NUP133: variants seen among roughly 807,000 people sequenced by gnomAD.
NUP133 encodes the protein nucleoporin 133.
A neutral mutation model predicts 146.2 loss-of-function variants in NUP133; 66 were observed. The ratio of observed to expected loss-of-function variants is 0.45; its 90% CI spans 0.37 to 0.55. The LOEUF (loss-of-function observed/expected upper bound fraction) is 0.55, where lower values mean the gene tolerates loss of function less well. Among genes scored for constraint, NUP133 ranks in the 20% least tolerant of loss-of-function variants. The pLI, the probability that NUP133 is intolerant of heterozygous loss-of-function variation, is 0.00. For synonymous variants in NUP133, 521 were observed against 498.8 expected, an observed-to-expected ratio of 1.04 and a Z score of -0.59; for missense variants, 1,277 against 1,374.8, an observed-to-expected ratio of 0.93 and a Z score of 1.12.
At chr1:229,504,604 A>G (rs1661887907) in intron 2 of NUP133, among the ~76,000 whole-genome samples, 1 of 152,234 alleles carries the variant, frequency 6.6e-6, no homozygotes, top group African/African-American at 2.4e-5. Context: ...CATAGGATCC[A>G]GAAATGGAGG....
chr1:229,504,751 C>A (rs1325314487), intron 2 of NUP133, among the ~76,000 whole-genome samples: 2 of 152,188 alleles, frequency 1.3e-5, no homozygotes, highest in Non-Finnish European at 2.9e-5. Flanking sequence ...CCCCTTTTAT[C>A]TGCAGTTTCA....
intron 12 of NUP133, among the ~76,000 whole-genome samples, chr1:229,481,730 G>A (rs1038811849): frequency 6.6e-6 from 1 of 151,566 alleles, no homozygotes; most frequent in African/African-American, 2.4e-5. Flanking sequence ...GTGAATGTGA[G>A]GACAGCTACG....
intron 2 of NUP133, among the ~76,000 whole-genome samples, chr1:229,503,365 A>C (rs1212562868): frequency 6.6e-6 from 1 of 152,220 alleles, no homozygotes; most frequent in Non-Finnish European, 1.5e-5. Context: ...TAACTATATA[A>C]AACATTTCAA....
At chr1:229,505,385 GTA>G (rs1288678781) in intron 2 of NUP133, among the ~76,000 whole-genome samples, 1 of 151,802 alleles carries the variant, frequency 6.6e-6, no homozygotes, top group African/African-American at 2.4e-5. Flanking sequence ...AAAAAACACA[GTA>G]TATATAAGGT....
In NUP133 at chr1:229,441,854, A is replaced by G. The variant is rs1334180652; in HGVS notation, c.*50T>C. On this transcript the variant is annotated 3_prime_UTR_variant, in exon 26 of 26. Transcript: ENST00000261396. ...CTTGTTTATGGCCTAAAATTTGTAT[A>G]AGGACACACTTATACAGATTTCATA... The G allele has an allele frequency of 4.2e-6, 6 of 1,442,476 alleles. No homozygotes were observed. The highest frequency in any genetic ancestry group is 5.6e-6 in the Non-Finnish European group (6 of 1,078,110). The allele number at this position is 1,442,476 out of a possible 1,614,324, so 89.4% of individuals were successfully genotyped here. A position where few individuals can be genotyped will look rare whatever the true frequency, so the allele number is the denominator to read the frequency against.
intron 8 of NUP133, among the ~76,000 whole-genome samples, chr1:229,494,073 T>C (rs566629323): frequency 3.3e-5 from 5 of 151,982 alleles, no homozygotes; most frequent in Non-Finnish European, 5.9e-5. Flanking sequence ...AAGGTTGCAG[T>C]GAGCCAAGAC....
Position 229,441,280 on chromosome 1 carries a change from C to T in NUP133, c.*624G>A, listed in dbSNP as rs755511696. ...TAGATAGGTTAGAAAACCACATAAACGTTTCATTCACTAAAATACTTTCAT... is the reference window on the plus strand; with the variant it reads ...TAGATAGGTTAGAAAACCACATAAATGTTTCATTCACTAAAATACTTTCAT... On this transcript the variant is annotated 3_prime_UTR_variant, in exon 26 of 26. Transcript: ENST00000261396. 13 of 377,760 alleles carry T rather than the reference C, an allele frequency of 3.4e-5. No individual in the cohort carries two copies. The highest frequency in any genetic ancestry group is 6.3e-5 in the African/African-American group (3 of 47,450). 23.4% of individuals were successfully genotyped at this position (377,760 alleles called of 1,614,324 possible).
At chr1:229,506,244 G>A in intron 1 of NUP133, 86 bp from the exon 2 acceptor site, 3 of 658,668 alleles carry the variant, frequency 4.6e-6, no homozygotes, top group Non-Finnish European at 5.1e-6. Flanking sequence ...TCACAGTAAG[G>A]AGTTCTTTGA....
intron 20 of NUP133, among the ~76,000 whole-genome samples, chr1:229,459,941 G>C (rs1212141274): frequency 6.6e-6 from 1 of 152,074 alleles, no homozygotes; most frequent in African/African-American, 2.4e-5. Context: ...CCTCCATACA[G>C]TTTCCCATAA....
chr1:229,464,813 C>A lies in NUP133; in HGVS notation c.2362G>T (p.Val788Leu), dbSNP rs986718077. 3.8e-5 allele frequency: 62 copies of A among 1,614,074 alleles called. No individual in the cohort carries two copies. Among genetic ancestry groups the A allele is most frequent in the Non-Finnish European group, 5.3e-5 (62 of 1,180,032 alleles). The change falls in exon 18 of 26, where the codon GTG becomes TTG. Residue 788 changes from valine to leucine, a missense_variant. Around this residue, in one of 3 missense-constraint regions of NUP133, gnomAD observed 952 missense variants for 1,047.0 expected, o/e 0.91. Transcript: ENST00000261396. ...TTGCTGTCTGCCTGTGGATAAGCCA[C>A]CTTCAGGACAATCTCATGCTGGCGT... ...IIRQHEIVLK[V>L]AYPQADSNLR...
chr1:229,462,733 T>C (rs1571913901), intron 19 of NUP133, among the ~76,000 whole-genome samples: 3 of 152,046 alleles, frequency 2.0e-5, no homozygotes, highest in African/African-American at 7.3e-5. Context: ...AAAAAATTTT[T>C]TTTGTAAAGG....
chr1:229,498,075 C>A (rs1661700804), intron 6 of NUP133, 61 bp downstream of exon 6: 2 of 1,263,374 alleles, frequency 1.6e-6, no homozygotes, highest in Non-Finnish European at 1.1e-6. Flanking sequence ...TCAGAGGATA[C>A]TTTCAACTTA....
At chr1:229,473,707 G>C (rs1202532093) in intron 14 of NUP133, among the ~76,000 whole-genome samples, 1 of 152,106 alleles carries the variant, frequency 6.6e-6, no homozygotes, top group Non-Finnish European at 1.5e-5. Context: ...GCGATCACTT[G>C]AGCTTAAGAG....
chr1:229,458,484 T>A (rs988204977), intron 20 of NUP133, among the ~76,000 whole-genome samples, 188 bp from the exon 21 acceptor site: 2 of 152,098 alleles, frequency 1.3e-5, no homozygotes, highest in African/African-American at 4.8e-5. Flanking sequence ...ATATCAACCA[T>A]CCTCACTAAA....
chr1:229,473,964 T>C (rs1390143133), intron 14 of NUP133, among the ~76,000 whole-genome samples: 2 of 152,212 alleles, frequency 1.3e-5, no homozygotes, highest in African/African-American at 4.8e-5. Context: ...TCTTTAATTT[T>C]TCATCCCAGC....
At chr1:229,451,356 G>T (rs1447542632) in intron 22 of NUP133, among the ~76,000 whole-genome samples, 1 of 151,946 alleles carries the variant, frequency 6.6e-6, no homozygotes, top group Admixed American at 6.6e-5. Flanking sequence ...CTGTGACAGG[G>T]CCACTGCACT....
At position 229,486,537 on chromosome 1, in the gene NUP133, A is replaced by G; in HGVS notation, c.1343-9T>C. On this transcript the variant is annotated splice_polypyrimidine_tract_variant and intron_variant, in intron 10 of 25. Transcript: ENST00000261396. ...ACCTAAAACACTATCTCCTAAAAGA[A>G]AGGAAAACAGAGTCAAATACATCTA... 1 of 1,600,098 alleles carries G rather than the reference A, an allele frequency of 6.2e-7. No homozygotes were observed.
In NUP133 at chr1:229,441,619, C is replaced by A. The variant is rs1245933346; in HGVS notation, c.*285G>T. ...GATTTGTACATGTGAGCAGCTAGAA[C>A]CAGGACAAGAACTCCAGAACCTGGG... On this transcript the variant is annotated 3_prime_UTR_variant, in exon 26 of 26. Transcript: ENST00000261396. The A allele has an allele frequency of 1.1e-5, 4 of 377,970 alleles. No homozygotes were observed. The highest frequency in any genetic ancestry group is 2.1e-5 in the African/African-American group (1 of 47,776). 23.4% of individuals were successfully genotyped at this position (377,970 alleles called of 1,614,324 possible). A position where few individuals can be genotyped will look rare whatever the true frequency, so the allele number is the denominator to read the frequency against.
chr1:229,465,967 G>C (rs920737342), intron 16 of NUP133, among the ~76,000 whole-genome samples: 2 of 151,488 alleles, frequency 1.3e-5, no homozygotes, highest in African/African-American at 2.4e-5. Flanking sequence ...TTACTTTTTG[G>C]TTCTTTCTGC....
Sources: gnomAD v4.1 joint callset for allele counts (sites outside exome capture counted in the v4.1 genomes callset) on GRCh38, gnomAD v4.1.1 for gene constraint, gnomAD v4.1.1 regional missense constraint, MANE v1.5 for transcripts, NCBI Gene and HGNC (gene_info 2026-07-23, HGNC 2026-07-21) for gene names.